The following C2CD2 variants were observed in gnomAD, a reference collection of about 807,000 sequenced individuals.
C2CD2 encodes the protein C2 domain-containing protein 2.
A neutral mutation model predicts 74.3 loss-of-function variants in C2CD2; 43 were observed. The observed-to-expected ratio is 0.58, with a 90% CI of 0.45 to 0.75. C2CD2 has a LOEUF of 0.75. C2CD2 is among the 30% of genes least tolerant of loss of function. The pLI, the probability that C2CD2 is intolerant of heterozygous loss-of-function variation, is 0.00. For synonymous variants in C2CD2, 422 were observed against 390.7 expected (o/e 1.08, Z -0.94); for missense variants, 801 against 916.3 (o/e 0.87, Z 1.63).
intron 1 of C2CD2, among the ~76,000 whole-genome samples, chr21:41,948,165 C>A (rs2065417683): frequency 2.0e-5 from 3 of 152,260 alleles, no homozygotes; most frequent in African/African-American, 7.2e-5. Flanking sequence ...TTGCCCAGGC[C>A]TGGCTGGCTC....
chr21:41,909,222 T>C lies in C2CD2; in HGVS notation c.1018+237A>G, dbSNP rs117636826. ...GCCAAGAATTGTTGCATAAAAGATT[T>C]TGGATTTTTTTAAAAAAACAAACAA... On this transcript the variant is annotated intron_variant, in intron 8 of 13. Transcript: ENST00000380486. Among the ~76,000 whole-genome samples, 132 of 152,380 alleles carry C rather than the reference T, an allele frequency of 8.7e-4. 1 individual carries two copies. The East Asian group carries it at 0.024, about 27-fold the overall frequency.
At chr21:41,894,918 A>G (rs749003627) in intron 13 of C2CD2, 3 of 456,758 alleles carry the variant, frequency 6.6e-6, no homozygotes, top group South Asian at 4.6e-5. Context: ...CAGTAACCCC[A>G]TATGGAATGT....
At chr21:41,904,661 A>C (rs759878726) in intron 11 of C2CD2, among the ~76,000 whole-genome samples, 17 of 152,152 alleles carry the variant, frequency 1.1e-4, no homozygotes, top group Non-Finnish European at 2.4e-4. Context: ...CAAGAGGAGG[A>C]GGCAGTTATG....
At chr21:41,935,418 G>A (rs922803107) in intron 2 of C2CD2, among the ~76,000 whole-genome samples, 4 of 152,116 alleles carry the variant, frequency 2.6e-5, no homozygotes, top group Non-Finnish European at 4.4e-5. Context: ...CAATGAACTC[G>A]TATTGATTTT....
chr21:41,942,041 T>C (rs764273029), intron 2 of C2CD2, 106 bp downstream of exon 2: 155 of 1,410,634 alleles, frequency 1.1e-4, no homozygotes, highest in Non-Finnish European at 1.4e-4. Flanking sequence ...TTGATTTTTT[T>C]CCTAGTGTAA....
At position 41,899,400 on chromosome 21, in the gene C2CD2, G is replaced by A; in HGVS notation, c.1561-38C>T. Reference sequence around the variant, plus strand: ...GTGGGGAAGATGACAAGGGATACATGAAAGGAAGGGAGGGTTTGAAAAGAA... The same window carrying A: ...GTGGGGAAGATGACAAGGGATACATAAAAGGAAGGGAGGGTTTGAAAAGAA... On this transcript the variant is annotated intron_variant, in intron 12 of 13. Coordinates refer to ENST00000380486, the MANE Select transcript of C2CD2 (RefSeq NM_015500.2). This position sits in a 1 kb window ranked among gnomAD's most constrained non-coding sequence, Gnocchi z 4.4. 1 of 1,565,722 alleles carries A rather than the reference G, an allele frequency of 6.4e-7. No individual in the cohort carries two copies. Among genetic ancestry groups the A allele is most frequent in the East Asian group, 2.2e-5 (1 of 44,702 alleles).
At chr21:41,940,231 G>A (rs896551719) in intron 2 of C2CD2, among the ~76,000 whole-genome samples, 2 of 152,138 alleles carry the variant, frequency 1.3e-5, no homozygotes, top group Non-Finnish European at 2.9e-5. Flanking sequence ...ACAGGAGATG[G>A]GTAAGTGAGC....
intron 2 of C2CD2, among the ~76,000 whole-genome samples, chr21:41,933,736 C>G (rs112597375): frequency 6.6e-6 from 1 of 152,176 alleles, no homozygotes; most frequent in Non-Finnish European, 1.5e-5. Flanking sequence ...CTGGCAAGAG[C>G]GACCAGGCTC....
intron 9 of C2CD2, 142 bp downstream of exon 9, chr21:41,907,518 G>T: frequency 2.3e-6 from 2 of 881,338 alleles, no homozygotes; most frequent in Non-Finnish European, 3.4e-6. Context: ...CTGGTCCTGC[G>T]TACGATGAAA....
chr21:41,889,323 G>A lies in C2CD2; in HGVS notation c.1892C>T (p.Ala631Val). ...KHKGGILRKG[A>V]KLFFRRRHQQ... ...ATGCCGCCGGCGGAAGAACAGCTTT[G>A]CACCTTTCCTTAGAATTCCTCCTGG... The change falls in exon 14 of 14, where the codon GCA (alanine) becomes GTA (valine). Residue 631 changes from alanine to valine, a missense_variant. Transcript: ENST00000380486. The A allele has an allele frequency of 1.2e-6, 2 of 1,613,818 alleles. No individual in the cohort carries two copies. The highest frequency in any genetic ancestry group is 2.7e-5 in the African/African-American group (2 of 75,024).
At chr21:41,937,617 G>A (rs1253840960) in intron 2 of C2CD2, among the ~76,000 whole-genome samples, 1 of 151,896 alleles carries the variant, frequency 6.6e-6, no homozygotes, top group Non-Finnish European at 1.5e-5. Flanking sequence ...GCTGTTCAAG[G>A]GTCCATTATA....
chr21:41,947,825 G>A (rs1199524890), intron 1 of C2CD2, among the ~76,000 whole-genome samples: 2 of 152,178 alleles, frequency 1.3e-5, no homozygotes, highest in African/African-American at 2.4e-5. Context: ...ACAGCTAGGA[G>A]GGTAGAGCTG....
At chr21:41,953,329 C>G (rs1245809741) in intron 1 of C2CD2, 41 bp downstream of exon 1, 21 of 1,329,094 alleles carry the variant, frequency 1.6e-5, no homozygotes, top group Non-Finnish European at 2.1e-5. Flanking sequence ...CCGCCCGCCC[C>G]GGCATCTGCC....
At chr21:41,952,165 G>A (rs988440384) in intron 1 of C2CD2, among the ~76,000 whole-genome samples, 1 of 152,202 alleles carries the variant, frequency 6.6e-6, no homozygotes, top group Non-Finnish European at 1.5e-5. Flanking sequence ...TGGGCACCAG[G>A]ACAAAAGTCA....
chr21:41,909,052 C>T (rs2146171983), intron 8 of C2CD2, among the ~76,000 whole-genome samples: 1 of 152,206 alleles, frequency 6.6e-6, no homozygotes, highest in East Asian at 1.9e-4. Flanking sequence ...GTACTTACTG[C>T]CCCTGAACTA....
chr21:41,913,227 G>T (rs74997035), intron 6 of C2CD2, among the ~76,000 whole-genome samples: 3,020 of 152,332 alleles, frequency 0.02, 121 homozygotes, highest in African/African-American at 0.068. Flanking sequence ...ACTAGCCAGG[G>T]TATTTGATCC....
intron 5 of C2CD2, among the ~76,000 whole-genome samples, chr21:41,917,336 A>T (rs1281287972): frequency 1.3e-5 from 2 of 152,258 alleles, no homozygotes; most frequent in African/African-American, 2.4e-5. Flanking sequence ...GCTAGATAAT[A>T]AAGATGGACA....
intron 1 of C2CD2, among the ~76,000 whole-genome samples, chr21:41,947,280 C>A (rs1387682126): frequency 6.6e-6 from 1 of 151,772 alleles, no homozygotes; most frequent in Non-Finnish European, 1.5e-5. Context: ...GCCTCAGCAT[C>A]CCGAGTAGCT....
chr21:41,947,226 C>A (rs1051082778), intron 1 of C2CD2, among the ~76,000 whole-genome samples: 1 of 147,598 alleles, frequency 6.8e-6, no homozygotes, highest in African/African-American at 2.5e-5. Flanking sequence ...GGCGCGATCT[C>A]GGCTCACTGC....
Sources: gnomAD v4.1 joint callset for allele counts (sites outside exome capture counted in the v4.1 genomes callset) on GRCh38, gnomAD v4.1.1 for gene constraint, Gnocchi (gnomAD v3.1) non-coding constraint, MANE v1.5 for transcripts, NCBI Gene and HGNC (gene_info 2026-07-23, HGNC 2026-07-21) for gene names.